The following SPG11 variants were observed in gnomAD, a reference collection of about 807,000 sequenced individuals.
SPG11 encodes the protein spatacsin.
A neutral mutation model predicts 274.0 loss-of-function variants in SPG11; 222 were observed. The observed-to-expected ratio is 0.81, with a 90% CI of 0.73 to 0.91. The LOEUF (loss-of-function observed/expected upper bound fraction) is 0.91, where lower values mean the gene tolerates loss of function less well. Ranked by LOEUF, SPG11 falls within the 40% of genes least tolerant of loss-of-function variation. The pLI is 0.00. For synonymous variants in SPG11, 1,144 were observed against 1,039.7 expected (o/e 1.10, Z -1.93); for missense variants, 3,114 against 2,872.7 (o/e 1.08, Z -1.92).
In SPG11 at chr15:44,570,617, T is replaced by C; in HGVS notation, c.6385A>G (p.Thr2129Ala). ...LILAHHCFTL[T>A]CHMEGIIRVL... ...CGGATGATGCCCTCCATGTGGCACG[T>C]CAGGGTGAAGCAATGATGGGCCAGG... Residue 2129 changes from threonine (T) to alanine (A), a missense_variant, in exon 34 of 40, where the codon ACG becomes GCG. Transcript: ENST00000261866. 6.2e-7 allele frequency: 1 copy of C among 1,614,042 alleles called. No individual in the cohort carries two copies. Among genetic ancestry groups the C allele is most frequent in the Non-Finnish European group, 8.5e-7 (1 of 1,179,986 alleles).
chr15:44,588,769 G>T, intron 28 of SPG11: 1 of 302,304 alleles, frequency 3.3e-6, no homozygotes, highest in Non-Finnish European at 6.7e-6. Flanking sequence ...CTACTCAGGG[G>T]ATCGGCAATG....
intron 11 of SPG11, among the ~76,000 whole-genome samples, chr15:44,624,260 G>A (rs914815295): frequency 6.6e-6 from 1 of 151,812 alleles, no homozygotes; most frequent in Non-Finnish European, 1.5e-5. Flanking sequence ...GACCAAGGCA[G>A]GAGGATTGCT....
rs1027223502 is a variant in SPG11, at chr15:44,565,718, G to C, written c.6999+136C>G. 5.6e-5 allele frequency: 61 copies of C among 1,084,404 alleles called. No individual in the cohort carries two copies. In the Admixed American group the frequency reaches 1.1e-3, roughly 19 times the overall value. The allele number at this position is 1,084,404 out of a possible 1,614,324, so 67.2% of individuals were successfully genotyped here. A position where few individuals can be genotyped will look rare whatever the true frequency, so the allele number is the denominator to read the frequency against. Reference sequence around the variant, plus strand: ...TACATCAAATTGCCGTTCTATGTTGGTATCAGAGAGTTAAATCAGAACTGT... The same window carrying C: ...TACATCAAATTGCCGTTCTATGTTGCTATCAGAGAGTTAAATCAGAACTGT... On this transcript the variant is annotated intron_variant, in intron 38 of 39. Transcript: ENST00000261866.
intron 14 of SPG11, chr15:44,620,703 T>A (rs2083720627): frequency 2.3e-5 from 3 of 132,012 alleles, no homozygotes; most frequent in Non-Finnish European, 4.3e-5. Flanking sequence ...ACCAGGTAAA[T>A]TTTTTTTTTT....
In SPG11 at chr15:44,584,422, G is replaced by A. The variant is rs2082716347; in HGVS notation, c.5258C>T (p.Ser1753Leu). 6.2e-7 allele frequency: 1 copy of A among 1,614,180 alleles called. No homozygotes were observed. The highest frequency in any genetic ancestry group is 8.5e-7 in the Non-Finnish European group (1 of 1,180,026). Residue 1753 changes from serine (S) to leucine (L), a missense_variant, in exon 30 of 40, where the codon TCA (serine) becomes TTA (leucine). Transcript: ENST00000261866. ...ISSKAASSFF[S>L]TQAHVACEHP... Reference sequence around the variant, plus strand: ...CTCACATGCCACATGGGCCTGGGTTGAGAAAAAGGAAGAAGCTGCTTTGCT... The same window carrying A: ...CTCACATGCCACATGGGCCTGGGTTAAGAAAAAGGAAGAAGCTGCTTTGCT...
At position 44,620,281 on chromosome 15, in the gene SPG11, TCTG is replaced by T. The variant is rs763096648; in HGVS notation, c.2740_2742del (p.Gln914del). ...TCAACAGTCAGAAGGGGCCATTTGT[TCTG>T]CTGAAGTGAAGCATAACTATGCTGG... On this transcript the variant is annotated inframe_deletion, in exon 15 of 40. Coordinates refer to ENST00000261866, the MANE Select transcript of SPG11 (RefSeq NM_025137.4). 8.7e-6 allele frequency: 14 copies of T among 1,614,106 alleles called. No homozygotes were observed. The highest frequency in any genetic ancestry group is 1.2e-5 in the Non-Finnish European group (14 of 1,179,982).
intron 6 of SPG11, 93 bp downstream of exon 6, chr15:44,651,398 A>G (rs1484658920): frequency 1.8e-6 from 2 of 1,090,164 alleles, no homozygotes; most frequent in Admixed American, 4.0e-5. Flanking sequence ...AATACCACTT[A>G]AAGGCAAGAG....
In SPG11 at chr15:44,633,544, C is replaced by T. The variant is rs2084145691; in HGVS notation, c.1696G>A (p.Asp566Asn). Residue 566 changes from aspartate (D) to asparagine (N), a missense_variant, in exon 8 of 40, where the codon GAT (aspartate) becomes AAT (asparagine). By Grantham distance (23) the Asp-to-Asn change is conservative (BLOSUM62 1). Coordinates refer to ENST00000261866, the MANE Select transcript of SPG11 (RefSeq NM_025137.4). The part of the protein sequence containing the change: ...FNPSSKSSVS[D>N]QFDHLSSHLY... ...TGGGATGACAAGTGATCAAACTGAT[C>T]AGATACAGAAGATTTTGAGGATGGA... 11 of 1,609,758 alleles carry T rather than the reference C, an allele frequency of 6.8e-6. No homozygotes were observed. The highest frequency in any genetic ancestry group is 8.5e-6 in the Non-Finnish European group (10 of 1,176,602).
chr15:44,655,293 G>C (rs1370040860), intron 4 of SPG11, among the ~76,000 whole-genome samples: 1 of 152,148 alleles, frequency 6.6e-6, no homozygotes, highest in Non-Finnish European at 1.5e-5. Context: ...TTTTAAAAGT[G>C]ATTTCTTGTG....
intron 18 of SPG11, among the ~76,000 whole-genome samples, chr15:44,609,100 A>G (rs1341412950): frequency 3.3e-5 from 5 of 152,184 alleles, no homozygotes; most frequent in Non-Finnish European, 7.3e-5. Flanking sequence ...AGCTAGCACC[A>G]TTAAGAAACT....
At chr15:44,628,965 A>T (rs1488958915) in intron 9 of SPG11, 121 bp from the exon 10 acceptor site, 3 of 1,024,916 alleles carry the variant, frequency 2.9e-6, no homozygotes, top group African/African-American at 1.6e-5. Flanking sequence ...TTCAAACAAT[A>T]TGTCTGAGGA....
intron 7 of SPG11, among the ~76,000 whole-genome samples, chr15:44,634,425 C>T (rs56114504): frequency 0.016 from 2,366 of 151,852 alleles, 26 homozygotes; most frequent in Non-Finnish European, 0.024. Context: ...CAGGCATGCA[C>T]CACCACACCC....
Position 44,626,371 on chromosome 15 carries a change from T to C in SPG11, c.2204A>G (p.Lys735Arg). The change falls in exon 11 of 40, where the codon AAG (lysine) becomes AGG (arginine). Residue 735 changes from lysine (K) to arginine (R), a missense_variant. Lys to Arg is a conservative substitution (Grantham distance 26, BLOSUM62 2). Transcript: ENST00000261866. ...TTCAGAGGCTTCCTTTATATTGTTC[T>C]TTTTTAAATTGTCAAAGACCAAATT... ...GLNLVFDNLK[K>R]NNIKEASELL... 1 of 1,613,488 alleles carries C rather than the reference T, an allele frequency of 6.2e-7. No homozygotes were observed. Among genetic ancestry groups the C allele is most frequent in the Non-Finnish European group, 8.5e-7 (1 of 1,179,826 alleles).
In SPG11 at chr15:44,630,740, T is replaced by C. The variant is rs188309718; in HGVS notation, c.1736-1352A>G. ...GATTACAGACATGCACCACCACACA[T>C]GGCTAATTTTTGTATTTTTAGTAGA... On this transcript the variant is annotated intron_variant, in intron 8 of 39. Transcript: ENST00000261866. Among the ~76,000 whole-genome samples, 447 of 152,098 alleles carry C rather than the reference T, an allele frequency of 2.9e-3. 1 individual carries two copies. The highest frequency in any genetic ancestry group is 9.9e-3 in the African/African-American group (410 of 41,494).
chr15:44,583,933 G>C lies in SPG11; in HGVS notation c.5747C>G (p.Ala1916Gly). ...PDVALVLHCRALASGEASMED... is the reference protein window; with the variant it reads ...PDVALVLHCRGLASGEASMED... ...CATACTAGCTTCCCCTGAGGCCAGT[G>C]CTCTGCAGTGCAATACCAAGGCGAC... The change falls in exon 30 of 40, where the codon GCA becomes GGA. Residue 1916 changes from alanine to glycine, a missense_variant. Transcript: ENST00000261866. 6.2e-7 allele frequency: 1 copy of C among 1,614,218 alleles called. No homozygotes were observed. Among genetic ancestry groups the C allele is most frequent in the Middle Eastern group, 1.6e-4 (1 of 6,062 alleles).
chr15:44,613,374 A>G (rs1165878635), intron 17 of SPG11, 56 bp downstream of exon 17: 1 of 1,144,638 alleles, frequency 8.7e-7, no homozygotes, highest in Non-Finnish European at 1.3e-6. Flanking sequence ...ATACCATTCA[A>G]CAGACCAGTG....
chr15:44,625,595 T>C (rs532080114), intron 11 of SPG11, among the ~76,000 whole-genome samples: 2 of 152,314 alleles, frequency 1.3e-5, no homozygotes, highest in South Asian at 2.1e-4. Flanking sequence ...TCCCCAGCCA[T>C]GCTTCTTGTA....
At chr15:44,648,799 C>G in intron 7 of SPG11, 67 bp downstream of exon 7, 1 of 1,542,498 alleles carries the variant, frequency 6.5e-7, no homozygotes, top group Non-Finnish European at 9.0e-7. Context: ...CTCTCAAATC[C>G]TAAATCGAAT....
chr15:44,585,557 G>C, intron 29 of SPG11, 79 bp downstream of exon 29: 1 of 1,184,640 alleles, frequency 8.4e-7, no homozygotes, highest in Non-Finnish European at 1.2e-6. Context: ...AGCGGAGATC[G>C]CGCCACTGCA....
Sources: gnomAD v4.1 joint callset for allele counts (sites outside exome capture counted in the v4.1 genomes callset) on GRCh38, gnomAD v4.1.1 for gene constraint, MANE v1.5 for transcripts, NCBI Gene and HGNC (gene_info 2026-07-23, HGNC 2026-07-21) for gene names.